KLF12: variants seen among roughly 807,000 people sequenced by gnomAD.
KLF12 encodes the protein Krueppel-like factor 12.
In KLF12, 9 loss-of-function variants were observed where a neutral mutation model predicts 37.8. That is an observed-to-expected ratio of 0.24 (90% CI 0.14 to 0.42). The LOEUF (loss-of-function observed/expected upper bound fraction) is 0.42. Ranked by LOEUF, KLF12 falls within the 10% of genes least tolerant of loss-of-function variation. The pLI, the probability that KLF12 is intolerant of heterozygous loss-of-function variation, is 1.00. For missense variants in KLF12, 411 were observed against 516.0 expected, an observed-to-expected ratio of 0.80 and a Z score of 1.97; for synonymous variants, 208 against 202.1, an observed-to-expected ratio of 1.03 and a Z score of -0.25.
chr13:74,043,360 T>C (rs1461789001), intron 1 of KLF12, among the ~76,000 whole-genome samples: 1 of 152,210 alleles, frequency 6.6e-6, no homozygotes, highest in Non-Finnish European at 1.5e-5. Context: ...CTAAGGCCAT[T>C]CTGTGCTAAA....
At chr13:73,995,114 C>A (rs1892071928) in intron 1 of KLF12, 61 bp from the exon 2 acceptor site, 1 of 1,091,836 alleles carries the variant, frequency 9.2e-7, no homozygotes, top group Non-Finnish European at 1.4e-6. Flanking sequence ...TGTTATTGCT[C>A]CTTTGGGGAA....
At chr13:73,808,534 G>T (rs1882766466) in intron 5 of KLF12, among the ~76,000 whole-genome samples, 1 of 152,018 alleles carries the variant, frequency 6.6e-6, no homozygotes, top group Non-Finnish European at 1.5e-5. Flanking sequence ...TTGAATGCAG[G>T]CATATTTGAA....
chr13:73,800,674 ATTTTACCTAAGAATATC>A (rs1350873401), intron 5 of KLF12: 1 of 152,026 alleles, frequency 6.6e-6, no homozygotes, highest in African/African-American at 2.4e-5. Context: ...CAAAATAATC[ATTTTACCTAAGAATATC>A]TAGTTACTTT....
At chr13:74,122,462 T>C (rs1233134499) in intron 1 of KLF12, among the ~76,000 whole-genome samples, 3 of 152,108 alleles carry the variant, frequency 2.0e-5, no homozygotes, top group South Asian at 2.1e-4. Context: ...CTGGTAATAA[T>C]ATGAATTACT....
chr13:74,194,511 G>A, the KLF12 span, among the ~76,000 whole-genome samples: 1 of 152,120 alleles, frequency 6.6e-6, no homozygotes, highest in Non-Finnish European at 1.5e-5. Flanking sequence ...CAGGAGGGAG[G>A]ACAAGCTAGA....
chr13:73,751,369 G>A (rs117695261), intron 6 of KLF12, among the ~76,000 whole-genome samples: 2,215 of 152,180 alleles, frequency 0.015, 28 homozygotes, highest in Non-Finnish European at 0.022. Flanking sequence ...ACAGTGTATA[G>A]GTGTTCCTTT....
intron 1 of KLF12, among the ~76,000 whole-genome samples, chr13:74,092,291 C>T (rs1389918334): frequency 1.3e-4 from 10 of 74,818 alleles, no homozygotes; most frequent in South Asian, 4.4e-4. Context: ...AGTGAGACTC[C>T]GTCTCAAAAA....
chr13:74,065,541 T>C (rs892726635), intron 1 of KLF12, among the ~76,000 whole-genome samples: 1 of 152,036 alleles, frequency 6.6e-6, no homozygotes, highest in African/African-American at 2.4e-5. Flanking sequence ...TACATGAAAA[T>C]TTTTGTCAGG....
intron 3 of KLF12, among the ~76,000 whole-genome samples, chr13:73,891,039 G>A (rs1261306164): frequency 1.3e-5 from 2 of 152,002 alleles, no homozygotes; most frequent in Non-Finnish European, 2.9e-5. Context: ...TAAATACTAT[G>A]CAATGTTGAA....
rs118152505 is a variant in KLF12, at chr13:73,871,194, T to C, written c.124-24821A>G. On this transcript the variant is annotated intron_variant, in intron 3 of 7. Transcript: ENST00000377669. ...ATTCAACGTTGCAGAGTCGAGTTAC[T>C]AGTCTGCGGGGGAGGCAGTTGTGTC... 8.4e-3 allele frequency among the ~76,000 whole-genome samples: 1,277 copies of C among 152,256 alleles called. 10 individuals are homozygous for C. The highest frequency in any genetic ancestry group is 9.5e-3 in the Non-Finnish European group (649 of 68,006).
chr13:74,170,356 G>A, the KLF12 span, among the ~76,000 whole-genome samples: 5 of 152,032 alleles, frequency 3.3e-5, no homozygotes, highest in African/African-American at 9.7e-5. Flanking sequence ...AATTTATAAA[G>A]GCTTTTATAT....
chr13:74,008,548 G>A (rs1892472847), intron 1 of KLF12, among the ~76,000 whole-genome samples: 1 of 152,248 alleles, frequency 6.6e-6, no homozygotes, highest in Admixed American at 6.5e-5. Context: ...CACCAAATTA[G>A]ATGGAGAAAA....
At chr13:74,296,804 C>G in the KLF12 span, among the ~76,000 whole-genome samples, 1 of 152,142 alleles carries the variant, frequency 6.6e-6, no homozygotes, top group Non-Finnish European at 1.5e-5. Context: ...GCAAATCATG[C>G]AAATTGCTGT....
rs1404455574 is a variant in KLF12 at position 73,799,469 on chromosome 13, A to G, written c.806+13683T>C. ...AAATCAGACTAATTTTTGTATGTAA[A>G]AGGATTACATATAATATTTTAATTC... On this transcript the variant is annotated intron_variant, in intron 5 of 7. Transcript: ENST00000377669. 2.1e-5 allele frequency among the ~76,000 whole-genome samples: 3 copies of G among 143,412 alleles called. No individual in the cohort carries two copies. The Admixed American group carries it at 2.1e-4, about 10-fold the overall frequency. 94.1% of individuals were successfully genotyped at this position (143,412 alleles called of 152,430 possible). A position where few individuals can be genotyped will look rare whatever the true frequency, so the allele number is the denominator to read the frequency against.
intron 3 of KLF12, among the ~76,000 whole-genome samples, chr13:73,922,272 T>TC (rs1161887879): frequency 2.0e-5 from 3 of 152,134 alleles, no homozygotes; most frequent in Non-Finnish European, 2.9e-5. Flanking sequence ...GTTTGCTTTT[T>TC]CCCCCTTCAG....
At chr13:73,946,901 C>T (rs1302218699) in intron 2 of KLF12, among the ~76,000 whole-genome samples, 1 of 152,186 alleles carries the variant, frequency 6.6e-6, no homozygotes, top group East Asian at 1.9e-4. Context: ...TTTTATACAA[C>T]ACATGGTAAT....
chr13:74,037,524 T>C (rs1893286611), intron 1 of KLF12, among the ~76,000 whole-genome samples: 1 of 152,206 alleles, frequency 6.6e-6, no homozygotes, highest in Admixed American at 6.5e-5. Flanking sequence ...CCTGCAAATT[T>C]TTTTTGCTCA....
chr13:74,223,345 T>C, the KLF12 span, among the ~76,000 whole-genome samples: 1 of 152,230 alleles, frequency 6.6e-6, no homozygotes, highest in African/African-American at 2.4e-5. Flanking sequence ...AGTAGAACTT[T>C]TGTGAAAATC....
intron 1 of KLF12, among the ~76,000 whole-genome samples, chr13:74,102,505 C>T (rs995444598): frequency 2.0e-5 from 3 of 151,966 alleles, no homozygotes; most frequent in African/African-American, 4.8e-5. Flanking sequence ...TGTGACCAGC[C>T]TGGCCAACCT....
Sources: allele counts gnomAD v4.1 joint callset (sites outside exome capture counted in the v4.1 genomes callset), GRCh38; gene constraint gnomAD v4.1.1; transcripts MANE v1.5; gene names NCBI Gene and HGNC (gene_info 2026-07-23, HGNC 2026-07-21).